Variants in FAM149B1 observed in about 807,000 individuals in gnomAD.
FAM149B1 encodes the protein primary cilium assembly protein FAM149B1.
FAM149B1 carries 56 observed loss-of-function variants against 75.3 expected under a neutral mutation model. That is an observed-to-expected ratio of 0.74 (90% confidence interval 0.60 to 0.93). The LOEUF is 0.93. FAM149B1 is among the 40% of genes least tolerant of loss of function. The pLI is 0.00. For synonymous variants in FAM149B1, 259 were observed against 256.1 expected (o/e 1.01, Z -0.11); for missense variants, 639 against 708.4 (o/e 0.90, Z 1.11).
At chr10:73,208,519 C>A in intron 5 of FAM149B1, 100 bp from the exon 6 acceptor site, 1 of 716,306 alleles carries the variant, frequency 1.4e-6, no homozygotes. Context: ...AAGGTATTGC[C>A]AGGGCAAGGG....
chr10:73,174,578 A>G, intron 1 of FAM149B1, 109 bp from the exon 2 acceptor site: 1 of 734,050 alleles, frequency 1.4e-6, no homozygotes, highest in Non-Finnish European at 2.3e-6. Flanking sequence ...ACCATATCAG[A>G]CAGTGCAGTT....
At chr10:73,236,882 A>G (rs1173039783) in intron 12 of FAM149B1, among the ~76,000 whole-genome samples, 4 of 150,762 alleles carry the variant, frequency 2.7e-5, no homozygotes, top group African/African-American at 9.8e-5. Flanking sequence ...TGCCCTGCTA[A>G]TTTTTTTATT....
At chr10:73,186,439 A>G (rs1451457295) in intron 3 of FAM149B1, among the ~76,000 whole-genome samples, 1 of 152,220 alleles carries the variant, frequency 6.6e-6, no homozygotes, top group Admixed American at 6.5e-5. Context: ...CAAGGTAAGG[A>G]TGTCCACTCT....
chr10:73,234,532 G>A (rs536007998), intron 10 of FAM149B1: 8 of 340,386 alleles, frequency 2.4e-5, no homozygotes, highest in African/African-American at 1.0e-4. Flanking sequence ...GCAGAGAAGT[G>A]CAATACCAGA....
rs1589204348 is a variant in FAM149B1 at position 73,243,597 on chromosome 10, A to G, written c.*2578A>G. On this transcript the variant is annotated 3_prime_UTR_variant, in exon 14 of 14. Coordinates refer to ENST00000242505, the MANE Select transcript of FAM149B1 (RefSeq NM_173348.2). ...GTACCTAGTGGTTGCCAGGGGCTGGAAAAGTGGAATAACTACTAATGGGTA... is the reference window on the plus strand; with the variant it reads ...GTACCTAGTGGTTGCCAGGGGCTGGGAAAGTGGAATAACTACTAATGGGTA... 1 of 1,568,920 alleles carries G rather than the reference A, an allele frequency of 6.4e-7. No individual in the cohort carries two copies. The highest frequency in any genetic ancestry group is 1.7e-4 in the Middle Eastern group (1 of 5,858).
At chr10:73,184,840 A>C (rs1377464148) in intron 3 of FAM149B1, among the ~76,000 whole-genome samples, 1 of 152,252 alleles carries the variant, frequency 6.6e-6, no homozygotes, top group Non-Finnish European at 1.5e-5. Flanking sequence ...TTCCACCTTA[A>C]GAAACTAAAG....
At chr10:73,230,674 C>T (rs1343878949) in intron 9 of FAM149B1, 149 bp downstream of exon 9, 3 of 574,700 alleles carry the variant, frequency 5.2e-6, no homozygotes, top group Non-Finnish European at 9.5e-6. Context: ...ATGGTCTCCA[C>T]CATCAGGGGG....
intron 13 of FAM149B1, among the ~76,000 whole-genome samples, chr10:73,240,366 C>T (rs1318392950): frequency 6.6e-6 from 1 of 152,192 alleles, no homozygotes; most frequent in East Asian, 1.9e-4. Flanking sequence ...ATGCTTTTGT[C>T]AGATTATGCT....
chr10:73,232,722 T>A (rs749800780), intron 9 of FAM149B1, among the ~76,000 whole-genome samples: 4 of 152,224 alleles, frequency 2.6e-5, no homozygotes, highest in Non-Finnish European at 5.9e-5. Flanking sequence ...TAGTAAATTA[T>A]GTTTATGATT....
intron 7 of FAM149B1, among the ~76,000 whole-genome samples, chr10:73,216,613 A>C (rs888980738): frequency 2.0e-5 from 3 of 152,184 alleles, no homozygotes; most frequent in Non-Finnish European, 4.4e-5. Context: ...TGAGGAGTAC[A>C]GTCCATTCAA....
rs2043120534 is a variant in FAM149B1 at position 73,208,664 on chromosome 10, TCATAAAG to T, written c.592_598del (p.Lys198LeufsTer20). On this transcript the variant is annotated frameshift_variant, in exon 6 of 14. Coordinates refer to ENST00000242505, the MANE Select transcript of FAM149B1 (RefSeq NM_173348.2). LOFTEE classifies it high-confidence loss of function. ...AGTTACATTTTTCATCTTCTTATGC[TCATAAAG>T]CATCTTCCATTGCCAAATCCTCCAG... The T allele has an allele frequency of 3.2e-6, 5 of 1,547,396 alleles. No homozygotes were observed. Among genetic ancestry groups the T allele is most frequent in the Non-Finnish European group, 4.4e-6 (5 of 1,144,272 alleles).
In FAM149B1 at chr10:73,174,679, T is replaced by C. The variant is rs1391999055; in HGVS notation, c.48-8T>C. ...ACAGGAAATATAACTTTGTTTTGTC[T>C]TTCACAGGAAAGGAATAACAAAACA... On this transcript the variant is annotated splice_region_variant and splice_polypyrimidine_tract_variant and intron_variant, in intron 1 of 13. Transcript: ENST00000242505. The C allele has an allele frequency of 2.6e-6, 4 of 1,535,036 alleles. No homozygotes were observed. The highest frequency in any genetic ancestry group is 4.9e-5 in the East Asian group (2 of 40,824).
chr10:73,234,428 C>T (rs2043776879), intron 10 of FAM149B1: 1 of 186,450 alleles, frequency 5.4e-6, no homozygotes, highest in African/African-American at 2.4e-5. Context: ...AGGAACTTTA[C>T]CCGAGAACTA....
intron 12 of FAM149B1, among the ~76,000 whole-genome samples, chr10:73,236,252 C>T (rs2043818765): frequency 6.6e-6 from 1 of 152,098 alleles, no homozygotes; most frequent in African/African-American, 2.4e-5. Context: ...ATTTTTTCCT[C>T]ACAGTTCCAG....
intron 1 of FAM149B1, among the ~76,000 whole-genome samples, chr10:73,172,238 C>G (rs889110099): frequency 6.6e-6 from 1 of 152,164 alleles, no homozygotes; most frequent in African/African-American, 2.4e-5. Context: ...GAGAGACATA[C>G]AGGTAAGTCT....
chr10:73,197,528 A>G (rs12249526), intron 5 of FAM149B1, among the ~76,000 whole-genome samples: 23,408 of 151,890 alleles, frequency 0.15, 2,957 homozygotes, highest in African/African-American at 0.32. Context: ...CTAGCACTCT[A>G]GGAGGCTGAG....
chr10:73,221,213 T>C (rs1423369341), intron 7 of FAM149B1, among the ~76,000 whole-genome samples: 2 of 152,218 alleles, frequency 1.3e-5, no homozygotes, highest in Non-Finnish European at 2.9e-5. Flanking sequence ...ATTGTGACTA[T>C]ATTAGAAACC....
At chr10:73,239,436 C>A (rs185387390) in intron 13 of FAM149B1, 52 bp downstream of exon 13, 3 of 1,372,872 alleles carry the variant, frequency 2.2e-6, no homozygotes, top group East Asian at 5.0e-5. Flanking sequence ...GTGTTAAGAC[C>A]CAGCCTTTGT....
At chr10:73,183,166 T>C (rs2042441387) in intron 3 of FAM149B1, among the ~76,000 whole-genome samples, 1 of 152,184 alleles carries the variant, frequency 6.6e-6, no homozygotes, top group South Asian at 2.1e-4. Flanking sequence ...AATTAATGGG[T>C]GAATATAAAA....
Sources: allele counts gnomAD v4.1 joint callset (sites outside exome capture counted in the v4.1 genomes callset), GRCh38; gene constraint gnomAD v4.1.1; transcripts MANE v1.5; gene names NCBI Gene and HGNC (gene_info 2026-07-23, HGNC 2026-07-21).